The following UBXN2B variants were observed in gnomAD, a reference collection of about 807,000 sequenced individuals.
UBXN2B encodes UBX domain-containing protein 2B.
Under a neutral mutation model 37.5 loss-of-function variants are expected in UBXN2B, and 19 were observed. That is an observed-to-expected ratio of 0.51 (90% CI 0.35 to 0.74). The LOEUF (loss-of-function observed/expected upper bound fraction) is 0.74. UBXN2B is among the 30% of genes least tolerant of loss of function. UBXN2B has a pLI of 0.01. For synonymous variants in UBXN2B, 145 were observed against 143.8 expected (o/e 1.01, Z -0.06); for missense variants, 370 against 393.2 (o/e 0.94, Z 0.50).
chr8:58,436,094 A>T (rs1373530727), intron 5 of UBXN2B, among the ~76,000 whole-genome samples: 1 of 152,170 alleles, frequency 6.6e-6, no homozygotes, highest in East Asian at 1.9e-4. Context: ...CCTAAGAAGT[A>T]GTTAGTTTGT....
intron 2 of UBXN2B, chr8:58,425,255 C>T (rs1808050707): frequency 8.9e-7 from 1 of 1,122,348 alleles, no homozygotes; most frequent in Middle Eastern, 2.0e-4. Context: ...GCATACTCAT[C>T]AGGCCAGTAT....
At chr8:58,440,663 G>A (rs1808516993) in intron 6 of UBXN2B, among the ~76,000 whole-genome samples, 1 of 152,204 alleles carries the variant, frequency 6.6e-6, no homozygotes, top group African/African-American at 2.4e-5. Context: ...AATGTTTCCA[G>A]TGTATTCTTT....
intron 1 of UBXN2B, among the ~76,000 whole-genome samples, chr8:58,414,981 A>G (rs1171306550): frequency 6.6e-6 from 1 of 152,154 alleles, no homozygotes; most frequent in Non-Finnish European, 1.5e-5. Context: ...AATTTAAAAT[A>G]CATCTATCTA....
At chr8:58,440,909 G>C (rs1158182614) in intron 6 of UBXN2B, among the ~76,000 whole-genome samples, 1 of 151,972 alleles carries the variant, frequency 6.6e-6, no homozygotes, top group East Asian at 1.9e-4. Context: ...TTTTTCTTAG[G>C]ACACAAACTC....
Position 58,411,416 on chromosome 8 carries a change from G to T in UBXN2B, c.31G>T (p.Glu11Ter). Residue 11 changes from glutamate (E) to a stop codon, truncating the protein, a stop_gained, in exon 1 of 8, where the codon GAG becomes TAG. Coordinates refer to ENST00000399598, the MANE Select transcript of UBXN2B (RefSeq NM_001077619.2). LOFTEE classifies it high-confidence loss of function. MAEGGGPEPG[E>*]QERRSSGPRP... The stretch of plus-strand genomic sequence containing the variant: ...GGAGGGCGGAGGCCCTGAGCCCGGC[G>T]AGCAGGAGAGGAGGTCTTCCGGGCC... The T allele has an allele frequency of 7.9e-7, 1 of 1,270,572 alleles. No individual in the cohort carries two copies. The highest frequency in any genetic ancestry group is 1.0e-6 in the Non-Finnish European group (1 of 1,002,752). The allele number at this position is 1,270,572 out of a possible 1,614,324, so 78.7% of individuals were successfully genotyped here.
chr8:58,423,475 G>T (rs1197592755), intron 2 of UBXN2B, among the ~76,000 whole-genome samples: 2 of 149,316 alleles, frequency 1.3e-5, no homozygotes, highest in Admixed American at 6.8e-5. Flanking sequence ...TTGCACTGTC[G>T]CCCAGGCTGG....
intron 2 of UBXN2B, chr8:58,424,870 C>G (rs1277460918): frequency 1.7e-6 from 2 of 1,164,826 alleles, no homozygotes; most frequent in Non-Finnish European, 2.6e-6. Flanking sequence ...CATCCCTGAC[C>G]TCTGAGACTG....
rs900976156 is a variant in UBXN2B, at chr8:58,424,529, T to C, written c.189-5990T>C. 5.0e-6 allele frequency: 4 copies of C among 801,028 alleles called. No homozygotes were observed. In the Admixed American group the frequency reaches 9.3e-5, roughly 19 times the overall value. 49.6% of individuals were successfully genotyped at this position (801,028 alleles called of 1,614,324 possible). A position where few individuals can be genotyped will look rare whatever the true frequency, so the allele number is the denominator to read the frequency against. On this transcript the variant is annotated intron_variant, in intron 2 of 7. Transcript: ENST00000399598. Reference sequence around the variant, plus strand: ...TAAACTTTCTTGCGAAAGTTTGATCTTTTTAGGGAGAGAGTGAAGTCCACA... The same window carrying C: ...TAAACTTTCTTGCGAAAGTTTGATCCTTTTAGGGAGAGAGTGAAGTCCACA...
At chr8:58,435,032 T>C (rs1808376105) in intron 5 of UBXN2B, 1 of 1,476,714 alleles carries the variant, frequency 6.8e-7, no homozygotes, top group Non-Finnish European at 8.9e-7. Flanking sequence ...ACTTACCAGC[T>C]CTTCTTGCTA....
chr8:58,433,223 G>A lies in UBXN2B; in HGVS notation c.403G>A (p.Gly135Arg). Residue 135 changes from glycine to arginine, a missense_variant, in exon 4 of 8, where the codon GGA becomes AGA. Physicochemically the swap from Gly to Arg is moderately radical, Grantham distance 125. This residue lies in a region of UBXN2B where 197 missense variants were observed against 170.2 expected (regional missense o/e 1.16). Transcript: ENST00000399598. The part of the protein sequence containing the change: ...SFCKRSEYIY[G>R]ENQLQDVQIL... ...TTGTAAGCGGTCTGAATATATCTAT[G>A]GAGAAAATCAGCTGCAAGATGTAGG... 1 of 1,610,332 alleles carries A rather than the reference G, an allele frequency of 6.2e-7. No homozygotes were observed. The highest frequency in any genetic ancestry group is 8.5e-7 in the Non-Finnish European group (1 of 1,178,178).
chr8:58,443,636 T>TA (rs1431259039), intron 6 of UBXN2B, among the ~76,000 whole-genome samples: 10,873 of 55,148 alleles, frequency 0.2, 844 homozygotes, highest in Middle Eastern at 0.31. Context: ...CTACTAAAAA[T>TA]CCAAAAAAAA....
intron 5 of UBXN2B, among the ~76,000 whole-genome samples, chr8:58,436,714 A>G (rs915267197): frequency 6.6e-6 from 1 of 152,088 alleles, no homozygotes; most frequent in African/African-American, 2.4e-5. Context: ...TGATTGTTTA[A>G]AAGAGCCTGG....
chr8:58,420,758 G>C (rs772353004), intron 2 of UBXN2B, among the ~76,000 whole-genome samples: 27 of 152,140 alleles, frequency 1.8e-4, no homozygotes, highest in Admixed American at 6.5e-4. Context: ...AAAACCAACT[G>C]TTCAATAGTT....
At chr8:58,439,523 C>CA in intron 5 of UBXN2B, 110 bp from the exon 6 acceptor site, 3 of 1,362,666 alleles carry the variant, frequency 2.2e-6, no homozygotes, top group Non-Finnish European at 2.9e-6. Context: ...ATAATTTAAG[C>CA]AAAAAATTCT....
At position 58,441,140 on chromosome 8, in the gene UBXN2B, G is replaced by A. The variant is rs571260818; in HGVS notation, c.671+1370G>A. ...CCTGACTGGGACTATAGGCACTGCCGAGCGCAGCTCATTTTTTTTCATTTT... is the reference window on the plus strand; with the variant it reads ...CCTGACTGGGACTATAGGCACTGCCAAGCGCAGCTCATTTTTTTTCATTTT... On this transcript the variant is annotated intron_variant, in intron 6 of 7. Transcript: ENST00000399598. 2.1e-4 allele frequency among the ~76,000 whole-genome samples: 32 copies of A among 151,546 alleles called. No individual in the cohort carries two copies. In the South Asian group the frequency reaches 4.4e-3, roughly 21 times the overall value.
At chr8:58,429,376 C>T (rs1453191562) in intron 2 of UBXN2B, among the ~76,000 whole-genome samples, 1 of 152,168 alleles carries the variant, frequency 6.6e-6, no homozygotes, top group Non-Finnish European at 1.5e-5. Context: ...TTCAACCTTG[C>T]TTGCTACTCT....
intron 6 of UBXN2B, among the ~76,000 whole-genome samples, chr8:58,443,979 T>C (rs1808613407): frequency 6.6e-6 from 1 of 152,222 alleles, no homozygotes; most frequent in Non-Finnish European, 1.5e-5. Context: ...CTAAATTATG[T>C]TGGAAGTCCA....
At chr8:58,424,661 G>A (rs1808027509) in intron 2 of UBXN2B, 2 of 1,095,878 alleles carry the variant, frequency 1.8e-6, no homozygotes, top group East Asian at 3.4e-5. Context: ...TCTCATTTCT[G>A]CACAGCGTGG....
intron 7 of UBXN2B, among the ~76,000 whole-genome samples, chr8:58,447,102 C>A (rs1808699176): frequency 6.6e-6 from 1 of 151,862 alleles, no homozygotes; most frequent in Admixed American, 6.6e-5. Context: ...CCCAGCTGGA[C>A]CTGCACTTTT....
Sources: gnomAD v4.1 joint callset for allele counts (sites outside exome capture counted in the v4.1 genomes callset) on GRCh38, gnomAD v4.1.1 for gene constraint, gnomAD v4.1.1 regional missense constraint, MANE v1.5 for transcripts, NCBI Gene and HGNC (gene_info 2026-07-23, HGNC 2026-07-21) for gene names.